PTPRD: variants seen among roughly 807,000 people sequenced by gnomAD.
PTPRD encodes protein tyrosine phosphatase receptor type D.
PTPRD carries 34 observed loss-of-function variants against 214.5 expected under a neutral mutation model. The ratio of observed to expected loss-of-function variants is 0.16; its 90% CI spans 0.12 to 0.21. The LOEUF (loss-of-function observed/expected upper bound fraction) is 0.21, where lower values mean the gene tolerates loss of function less well. PTPRD is among the 10% of genes least tolerant of loss of function. PTPRD has a pLI of 1.00. For synonymous variants in PTPRD, 1,128 were observed against 845.7 expected, an observed-to-expected ratio of 1.33 and a Z score of -5.79; for missense variants, 2,545 against 2,398.7, an observed-to-expected ratio of 1.06 and a Z score of -1.27.
chr9:9,633,840 C>A (rs1248937598), intron 7 of PTPRD, among the ~76,000 whole-genome samples: 3 of 151,940 alleles, frequency 2.0e-5, no homozygotes, highest in African/African-American at 7.3e-5. Flanking sequence ...TTGTCTTTTC[C>A]AGTGCAAATC....
chr9:9,479,226 C>CACA (rs537570904), intron 8 of PTPRD, among the ~76,000 whole-genome samples: 1 of 110,608 alleles, frequency 9.0e-6, no homozygotes. Flanking sequence ...CCCCCCCCCC[C>CACA]CCCACACACA....
chr9:8,742,106 C>T (rs186847836), intron 11 of PTPRD, among the ~76,000 whole-genome samples: 19 of 152,104 alleles, frequency 1.2e-4, no homozygotes, highest in African/African-American at 3.9e-4. Context: ...ATACATCAAG[C>T]TATAAGACAT....
intron 44 of PTPRD, among the ~76,000 whole-genome samples, chr9:8,322,415 T>C (rs1022450410): frequency 6.6e-6 from 1 of 152,142 alleles, no homozygotes; most frequent in Admixed American, 6.6e-5. Context: ...ACATGAATGA[T>C]AAGGAAGTAG....
intron 4 of PTPRD, among the ~76,000 whole-genome samples, chr9:10,008,940 T>C (rs758490093): frequency 1.3e-5 from 2 of 151,876 alleles, no homozygotes; most frequent in Non-Finnish European, 2.9e-5. Context: ...ATAATCAATA[T>C]TAGTTAATGG....
chr9:8,566,134 G>GTGTGTGTGTT (rs1564392880), intron 14 of PTPRD, among the ~76,000 whole-genome samples: 1 of 142,786 alleles, frequency 7.0e-6, no homozygotes, highest in African/African-American at 2.5e-5. Context: ...GTGTGTGTGT[G>GTGTGTGTGTT]TGTGTGTATA....
chr9:8,599,022 G>A (rs1029758312), intron 14 of PTPRD, among the ~76,000 whole-genome samples: 2 of 152,082 alleles, frequency 1.3e-5, no homozygotes, highest in Non-Finnish European at 2.9e-5. Flanking sequence ...TAATTATAAC[G>A]TGTCCTGGGA....
chr9:9,578,505 A>G (rs904386939), intron 7 of PTPRD, among the ~76,000 whole-genome samples: 5 of 152,068 alleles, frequency 3.3e-5, no homozygotes, highest in African/African-American at 9.7e-5. Flanking sequence ...GAAATTGAAT[A>G]AAAATTATTT....
intron 4 of PTPRD, among the ~76,000 whole-genome samples, chr9:9,965,021 T>C (rs1472693263): frequency 1.3e-5 from 2 of 152,206 alleles, no homozygotes; most frequent in African/African-American, 4.8e-5. Context: ...GTATTAGGAC[T>C]CTTATTTCAA....
rs77037678 is a variant in PTPRD at position 9,014,178 on chromosome 9, T to G, written c.-104+4519A>C. 3.8e-4 allele frequency among the ~76,000 whole-genome samples: 43 copies of G among 112,366 alleles called. 1 individual carries two copies. The South Asian group carries it at 0.012, about 31-fold the overall frequency. 73.7% of individuals were successfully genotyped at this position (112,366 alleles called of 152,430 possible). On this transcript the variant is annotated intron_variant, in intron 11 of 45. Transcript: ENST00000381196. ...CTGTTTGGTCCATGCTATTACCTCG[T>G]TTTTTTTTGTTTGTTTGTTTGTTTT...
At chr9:8,774,809 C>T (rs1239536430) in intron 11 of PTPRD, among the ~76,000 whole-genome samples, 1 of 152,090 alleles carries the variant, frequency 6.6e-6, no homozygotes, top group Non-Finnish European at 1.5e-5. Context: ...GCTGGAATCA[C>T]AGGCATGAGC....
chr9:9,776,373 A>G (rs920701258), intron 5 of PTPRD, among the ~76,000 whole-genome samples: 1 of 152,092 alleles, frequency 6.6e-6, no homozygotes, highest in African/African-American at 2.4e-5. Context: ...CTCGTGTGCC[A>G]TAACCCTTTC....
chr9:10,387,946 C>T (rs1352189218), intron 2 of PTPRD, among the ~76,000 whole-genome samples: 1 of 148,694 alleles, frequency 6.7e-6, no homozygotes, highest in Admixed American at 6.8e-5. Flanking sequence ...CAGGAGTGAG[C>T]CACTGTGCCC....
At chr9:9,717,188 C>G (rs2097850548) in intron 7 of PTPRD, among the ~76,000 whole-genome samples, 1 of 152,120 alleles carries the variant, frequency 6.6e-6, no homozygotes, top group Admixed American at 6.6e-5. Flanking sequence ...TCTGAGGGCT[C>G]TGTTCTGTTC....
At chr9:9,186,670 C>A (rs2099931788) in intron 9 of PTPRD, among the ~76,000 whole-genome samples, 1 of 151,636 alleles carries the variant, frequency 6.6e-6, no homozygotes, top group African/African-American at 2.4e-5. Context: ...CTCTCTCACA[C>A]ACACACACAC....
At chr9:8,864,699 C>T (rs764080443) in intron 11 of PTPRD, among the ~76,000 whole-genome samples, 1 of 152,168 alleles carries the variant, frequency 6.6e-6, no homozygotes, top group South Asian at 2.1e-4. Flanking sequence ...TGACCAGTGG[C>T]AAGTTGGTCA....
intron 32 of PTPRD, among the ~76,000 whole-genome samples, chr9:8,462,077 T>C (rs1012865147): frequency 6.6e-6 from 1 of 152,026 alleles, no homozygotes; most frequent in Admixed American, 6.6e-5. Context: ...GTTCCTAAAC[T>C]CAGATACTCT....
chr9:9,316,764 C>T (rs1297689527), intron 9 of PTPRD, among the ~76,000 whole-genome samples: 1 of 152,154 alleles, frequency 6.6e-6, no homozygotes, highest in East Asian at 1.9e-4. Context: ...ATAACACAAT[C>T]AGATGCATTT....
intron 35 of PTPRD, among the ~76,000 whole-genome samples, chr9:8,428,263 A>C (rs2094819934): frequency 6.6e-6 from 1 of 152,146 alleles, no homozygotes; most frequent in South Asian, 2.1e-4. Flanking sequence ...TTCGTAAGGA[A>C]TTGGGCAAAG....
chr9:9,168,016 T>G (rs1368055248), intron 10 of PTPRD, among the ~76,000 whole-genome samples: 1 of 152,200 alleles, frequency 6.6e-6, no homozygotes, highest in Non-Finnish European at 1.5e-5. Context: ...TAACTGATTT[T>G]TTTTTCCACC....
Sources: gnomAD v4.1 joint callset for allele counts (sites outside exome capture counted in the v4.1 genomes callset) on GRCh38, gnomAD v4.1.1 for gene constraint, MANE v1.5 for transcripts, NCBI Gene and HGNC (gene_info 2026-07-23, HGNC 2026-07-21) for gene names.